Variants in B3GALT1 observed in about 807,000 individuals in gnomAD.
B3GALT1 encodes beta-1,3-galactosyltransferase 1, also known as UDP-Gal:betaGlcNAc beta 1,3-galactosyltransferase, polypeptide 1.
Under a neutral mutation model 23.2 loss-of-function variants are expected in B3GALT1, and 10 were observed. The observed-to-expected ratio is 0.43, with a 90% CI of 0.27 to 0.73. The LOEUF (loss-of-function observed/expected upper bound fraction) is 0.73, where lower values mean the gene tolerates loss of function less well. B3GALT1 is among the 30% of genes least tolerant of loss of function. The pLI, the probability that B3GALT1 is intolerant of heterozygous loss-of-function variation, is 0.21. For missense variants in B3GALT1, 299 were observed against 405.4 expected (o/e 0.74, Z 2.25); for synonymous variants, 156 against 141.5 (o/e 1.10, Z -0.73).
At chr2:167,560,785 G>T (rs1032237013) in intron 2 of B3GALT1, among the ~76,000 whole-genome samples, 4 of 152,164 alleles carry the variant, frequency 2.6e-5, no homozygotes, top group African/African-American at 4.8e-5. Context: ...ACCCAATACA[G>T]GGGCACCCAG....
At chr2:167,808,089 T>C (rs1317024086) in intron 3 of B3GALT1, among the ~76,000 whole-genome samples, 2 of 151,862 alleles carry the variant, frequency 1.3e-5, no homozygotes, top group African/African-American at 2.4e-5. Context: ...TCTTTGTTGG[T>C]TTAAAGTCTG....
chr2:167,688,537 T>C (rs1327604425), intron 3 of B3GALT1, among the ~76,000 whole-genome samples: 1 of 151,998 alleles, frequency 6.6e-6, no homozygotes, highest in African/African-American at 2.4e-5. Flanking sequence ...ATAGGTGGCT[T>C]AACAATAGAA....
chr2:167,641,537 G>A (rs1445522929), intron 2 of B3GALT1, among the ~76,000 whole-genome samples: 3 of 152,172 alleles, frequency 2.0e-5, no homozygotes, highest in African/African-American at 7.2e-5. Context: ...ACAATGTTTT[G>A]CAGCTAATAC....
At chr2:167,459,468 A>C (rs1400132295) in intron 1 of B3GALT1, among the ~76,000 whole-genome samples, 1 of 152,158 alleles carries the variant, frequency 6.6e-6, no homozygotes, top group Admixed American at 6.5e-5. Flanking sequence ...CCTGCCCTAA[A>C]ACATAAACTA....
At chr2:167,451,951 C>T (rs1456120899) in intron 1 of B3GALT1, among the ~76,000 whole-genome samples, 1 of 152,166 alleles carries the variant, frequency 6.6e-6, no homozygotes, top group African/African-American at 2.4e-5. Flanking sequence ...GTCGTGCAGG[C>T]TGCCAGGGAA....
At chr2:167,297,696 A>C (rs1370990755) in intron 1 of B3GALT1, among the ~76,000 whole-genome samples, 1 of 152,128 alleles carries the variant, frequency 6.6e-6, no homozygotes, top group Non-Finnish European at 1.5e-5. Context: ...TTTAGCTTAC[A>C]TCTCAGAATT....
intron 1 of B3GALT1, among the ~76,000 whole-genome samples, chr2:167,424,512 T>TC (rs1698594198): frequency 6.6e-6 from 1 of 152,140 alleles, no homozygotes; most frequent in Non-Finnish European, 1.5e-5. Flanking sequence ...AGCTTTTTTT[T>TC]CCCACCTTGA....
chr2:167,633,163 T>A (rs1162631622), intron 2 of B3GALT1, among the ~76,000 whole-genome samples: 3 of 151,892 alleles, frequency 2.0e-5, no homozygotes, highest in Admixed American at 1.3e-4. Context: ...CTGGCCAACA[T>A]TCAAATTCAG....
chr2:167,517,769 C>T (rs1574114841), intron 2 of B3GALT1, among the ~76,000 whole-genome samples: 3 of 152,148 alleles, frequency 2.0e-5, no homozygotes, highest in East Asian at 3.9e-4. Context: ...CTTTCTTTGA[C>T]AGGTTTATGA....
intron 2 of B3GALT1, among the ~76,000 whole-genome samples, chr2:167,601,174 C>T (rs950694407): frequency 2.6e-5 from 4 of 152,046 alleles, no homozygotes; most frequent in Admixed American, 2.6e-4. Context: ...ATTCTCCTGC[C>T]TCAGCCTCTC....
chr2:167,408,045 CACACACACACACACACACACACACACAG>C (rs1182223318), intron 1 of B3GALT1, among the ~76,000 whole-genome samples: 8 of 150,434 alleles, frequency 5.3e-5, no homozygotes, highest in African/African-American at 1.7e-4. Context: ...CACACACACA[CACACACACACACACACACACACACACAG>C]ACACACAAAA....
At chr2:167,381,567 T>C (rs534276079) in intron 1 of B3GALT1, among the ~76,000 whole-genome samples, 1 of 152,308 alleles carries the variant, frequency 6.6e-6, no homozygotes, top group South Asian at 2.1e-4. Context: ...TTTTTGGTGA[T>C]TCTAATGTGC....
rs1384528005 is a variant in B3GALT1 at position 167,386,860 on chromosome 2, T to C, written c.-511+93526T>C. ...GAAACTTAAACCATTTTTCCCCAAA[T>C]AAAAGTAGCCCTAACTGTAAAATAG... On this transcript the variant is annotated intron_variant, in intron 1 of 4. Coordinates refer to ENST00000392690, the MANE Select transcript of B3GALT1 (RefSeq NM_020981.4). Among the ~76,000 whole-genome samples the C allele has an allele frequency of 2.6e-5, 4 of 152,170 alleles. No individual in the cohort carries two copies. In the East Asian group the frequency reaches 7.7e-4, roughly 29 times the overall value.
intron 3 of B3GALT1, among the ~76,000 whole-genome samples, chr2:167,800,923 T>C (rs1688628648): frequency 6.6e-6 from 1 of 152,188 alleles, no homozygotes; most frequent in South Asian, 2.1e-4. Context: ...AAGGAGACAG[T>C]GTCTAAACAC....
intron 1 of B3GALT1, among the ~76,000 whole-genome samples, chr2:167,311,914 G>C (rs935019209): frequency 2.0e-5 from 3 of 151,938 alleles, no homozygotes; most frequent in African/African-American, 7.2e-5. Context: ...GGCAGAAGCA[G>C]TATCTGATGG....
intron 3 of B3GALT1, among the ~76,000 whole-genome samples, chr2:167,649,241 A>G (rs1685812432): frequency 6.6e-6 from 1 of 152,054 alleles, no homozygotes; most frequent in South Asian, 2.1e-4. Flanking sequence ...CATTCACTCT[A>G]ATTCATGCAT....
At chr2:167,348,504 G>A (rs555019856) in intron 1 of B3GALT1, among the ~76,000 whole-genome samples, 1 of 152,264 alleles carries the variant, frequency 6.6e-6, no homozygotes, top group South Asian at 2.1e-4. Flanking sequence ...TAATTGATAA[G>A]AGTCTGAGAT....
intron 3 of B3GALT1, among the ~76,000 whole-genome samples, chr2:167,786,818 A>G (rs925397687): frequency 1.3e-5 from 2 of 152,234 alleles, no homozygotes; most frequent in Non-Finnish European, 1.5e-5. Context: ...CCTGGCTGCA[A>G]TTAGAAATAT....
intron 4 of B3GALT1, among the ~76,000 whole-genome samples, chr2:167,859,973 G>A (rs756038866): frequency 1.8e-4 from 28 of 152,148 alleles, no homozygotes; most frequent in Non-Finnish European, 2.8e-4. Context: ...AATGGTTTAT[G>A]AAATTCTTCC....
Sources: allele counts gnomAD v4.1 joint callset (sites outside exome capture counted in the v4.1 genomes callset), GRCh38; gene constraint gnomAD v4.1.1; transcripts MANE v1.5; gene names NCBI Gene and HGNC (gene_info 2026-07-23, HGNC 2026-07-21).